The following SLC9A9 variants were observed in gnomAD, a reference collection of about 807,000 sequenced individuals.
SLC9A9 encodes sodium/hydrogen exchanger 9.
SLC9A9 carries 62 observed loss-of-function variants against 77.8 expected under a neutral mutation model. The observed-to-expected ratio is 0.80, with a 90% confidence interval of 0.65 to 0.98. SLC9A9 has a LOEUF of 0.98. SLC9A9 is among the 50% of genes least tolerant of loss of function. The pLI, the probability that SLC9A9 is intolerant of heterozygous loss-of-function variation, is 0.00. For missense variants in SLC9A9, 775 were observed against 774.9 expected (o/e 1.00, Z 0.00); for synonymous variants, 320 against 283.5 (o/e 1.13, Z -1.29).
intron 6 of SLC9A9, among the ~76,000 whole-genome samples, chr3:143,610,216 A>G (rs1356779722): frequency 6.6e-6 from 1 of 151,958 alleles, no homozygotes; most frequent in Non-Finnish European, 1.5e-5. Flanking sequence ...TGAGGCAATC[A>G]TGGCTCACTG....
intron 5 of SLC9A9, among the ~76,000 whole-genome samples, chr3:143,675,867 A>ACCT (rs1932866573): frequency 6.6e-6 from 1 of 151,630 alleles, no homozygotes; most frequent in Non-Finnish European, 1.5e-5. Context: ...CCTTTTTGGT[A>ACCT]TGTCTCTCTT....
rs77352224 is a variant in SLC9A9, at chr3:143,450,914, G to C, written c.1469+16123C>G. On this transcript the variant is annotated intron_variant, in intron 12 of 15. Transcript: ENST00000316549. Reference sequence around the variant, plus strand: ...GCTGAGCTCTCTCAACAAAGAGAATGGTTTACCTTAGGGGGACTCATGTGT... The same window carrying C: ...GCTGAGCTCTCTCAACAAAGAGAATCGTTTACCTTAGGGGGACTCATGTGT... Among the ~76,000 whole-genome samples, 1,473 of 152,238 alleles carry C rather than the reference G, an allele frequency of 9.7e-3. 20 individuals are homozygous for C. The highest frequency in any genetic ancestry group is 0.033 in the African/African-American group (1,367 of 41,532).
chr3:143,522,318 C>T (rs567053801), intron 9 of SLC9A9, among the ~76,000 whole-genome samples: 1 of 152,274 alleles, frequency 6.6e-6, no homozygotes, highest in African/African-American at 2.4e-5. Flanking sequence ...ATTTGTATCC[C>T]TTTAATTCAA....
chr3:143,845,791 C>T (rs2009819040), intron 1 of SLC9A9, among the ~76,000 whole-genome samples: 1 of 152,208 alleles, frequency 6.6e-6, no homozygotes, highest in Non-Finnish European at 1.5e-5. Flanking sequence ...CTGAAAGATA[C>T]TCAAAATTTC....
Position 143,335,525 on chromosome 3 carries a change from C to T in SLC9A9, c.1604+27959G>A, listed in dbSNP as rs530566299. On this transcript the variant is annotated intron_variant, in intron 14 of 15. Transcript: ENST00000316549. ...TAATTCTTGATTTCAAAACATATTA[C>T]AAGGCTATAGTATTCAAAACTGTGT... is the stretch of plus-strand genomic sequence containing the variant. Among the ~76,000 whole-genome samples, 4 of 152,198 alleles carry T rather than the reference C, an allele frequency of 2.6e-5. No homozygotes were observed. In the South Asian group the frequency reaches 8.3e-4, roughly 32 times the overall value.
chr3:143,495,402 T>G lies in SLC9A9; in HGVS notation c.1136A>C (p.Tyr379Ser), dbSNP rs752146831. 133 of 1,614,094 alleles carry G rather than the reference T, an allele frequency of 8.2e-5. No individual in the cohort carries two copies. The highest frequency in any genetic ancestry group is 9.3e-5 in the Non-Finnish European group (110 of 1,180,030). ...GAACGTGAACAGTGCCAGGCCCATGTAACAGAAGATGACGTTCTCCGCCAA... is the reference window on the plus strand; with the variant it reads ...GAACGTGAACAGTGCCAGGCCCATGGAACAGAAGATGACGTTCTCCGCCAA... The part of the protein sequence containing the change: ...NFLAENVIFC[Y>S]MGLALFTFQN... The change falls in exon 10 of 16, where the codon TAC becomes TCC. Residue 379 changes from tyrosine to serine, a missense_variant. By Grantham distance (144) the Tyr-to-Ser change is moderately radical. Coordinates refer to ENST00000316549, the MANE Select transcript of SLC9A9 (RefSeq NM_173653.4).
chr3:143,769,642 A>G (rs2007447557), intron 4 of SLC9A9, among the ~76,000 whole-genome samples: 1 of 152,222 alleles, frequency 6.6e-6, no homozygotes, highest in South Asian at 2.1e-4. Flanking sequence ...GAGCTAAAGA[A>G]TAAAAAGTCC....
intron 4 of SLC9A9, among the ~76,000 whole-genome samples, chr3:143,748,995 G>A (rs116219437): frequency 0.051 from 7,831 of 152,116 alleles, 234 homozygotes; most frequent in Middle Eastern, 0.065. Flanking sequence ...GAGCCACCGC[G>A]CCCGGCCTGA....
chr3:143,290,518 A>C (rs1196027793), intron 14 of SLC9A9, among the ~76,000 whole-genome samples: 1 of 152,218 alleles, frequency 6.6e-6, no homozygotes, highest in Non-Finnish European at 1.5e-5. Flanking sequence ...AGGCCTCCAT[A>C]TCTCACAGAG....
At chr3:143,571,859 G>A (rs2037262835) in intron 8 of SLC9A9, among the ~76,000 whole-genome samples, 1 of 152,198 alleles carries the variant, frequency 6.6e-6, no homozygotes, top group Non-Finnish European at 1.5e-5. Context: ...TCTGGAAATA[G>A]GCAAGGATTA....
chr3:143,539,909 A>G (rs1175303532), intron 9 of SLC9A9, among the ~76,000 whole-genome samples: 4 of 152,130 alleles, frequency 2.6e-5, no homozygotes, highest in Non-Finnish European at 4.4e-5. Context: ...TGTGCAAGTG[A>G]GCACTATCTT....
At chr3:143,488,053 G>A (rs1161433498) in intron 11 of SLC9A9, among the ~76,000 whole-genome samples, 2 of 151,758 alleles carry the variant, frequency 1.3e-5, no homozygotes, top group African/African-American at 4.8e-5. Flanking sequence ...TAATAGTGGT[G>A]ACTTTACTAC....
chr3:143,280,542 ATTTT>A (rs58879877), intron 14 of SLC9A9, among the ~76,000 whole-genome samples: 14 of 118,170 alleles, frequency 1.2e-4, no homozygotes, highest in African/African-American at 2.9e-4. Context: ...CTAGAACTAC[ATTTT>A]TTTTTTTTTT....
intron 14 of SLC9A9, among the ~76,000 whole-genome samples, chr3:143,298,738 A>G (rs949008548): frequency 6.6e-6 from 1 of 152,208 alleles, no homozygotes; most frequent in Non-Finnish European, 1.5e-5. Flanking sequence ...AAGACAAAGA[A>G]GATTATTGAG....
chr3:143,292,422 T>C (rs2030045352), intron 14 of SLC9A9, among the ~76,000 whole-genome samples: 1 of 152,154 alleles, frequency 6.6e-6, no homozygotes, highest in Non-Finnish European at 1.5e-5. Context: ...TCAGAAGAGT[T>C]AGGGAATTTG....
intron 5 of SLC9A9, among the ~76,000 whole-genome samples, chr3:143,660,313 C>T (rs971763796): frequency 3.3e-5 from 5 of 152,138 alleles, no homozygotes; most frequent in Non-Finnish European, 5.9e-5. Flanking sequence ...TGAGAAGGAT[C>T]CAACACACTG....
At chr3:143,514,952 C>A (rs1405754731) in intron 9 of SLC9A9, among the ~76,000 whole-genome samples, 3 of 152,170 alleles carry the variant, frequency 2.0e-5, no homozygotes, top group African/African-American at 7.2e-5. Flanking sequence ...GTGCAAGAGA[C>A]CTAGCTTTCG....
At chr3:143,786,577 C>G (rs2108851581) in intron 4 of SLC9A9, among the ~76,000 whole-genome samples, 1 of 152,278 alleles carries the variant, frequency 6.6e-6, no homozygotes, top group South Asian at 2.1e-4. Context: ...GTTTCTTTTT[C>G]CCAAAACTTC....
At chr3:143,468,900 G>A (rs2035330089) in intron 11 of SLC9A9, among the ~76,000 whole-genome samples, 3 of 152,238 alleles carry the variant, frequency 2.0e-5, no homozygotes, top group South Asian at 4.2e-4. Context: ...GGTGGTTCAC[G>A]CCTGTAATCC....
Sources: allele counts gnomAD v4.1 joint callset (sites outside exome capture counted in the v4.1 genomes callset), GRCh38; gene constraint gnomAD v4.1.1; transcripts MANE v1.5; gene names NCBI Gene and HGNC (gene_info 2026-07-23, HGNC 2026-07-21).